The following PPP2R2C variants were observed in gnomAD, a reference collection of about 807,000 sequenced individuals.
The protein encoded by PPP2R2C is protein phosphatase 2, regulatory subunit B, gamma.
Under a neutral mutation model 45.3 loss-of-function variants are expected in PPP2R2C, and 10 were observed. The ratio of observed to expected loss-of-function variants is 0.22; its 90% confidence interval spans 0.14 to 0.37. PPP2R2C has a LOEUF of 0.37. Ranked by LOEUF, PPP2R2C falls within the 10% of genes least tolerant of loss-of-function variation. The pLI, the probability that PPP2R2C is intolerant of heterozygous loss-of-function variation, is 1.00. For missense variants in PPP2R2C, 308 were observed against 619.7 expected (o/e 0.50, Z 5.34); for synonymous variants, 257 against 245.4 (o/e 1.05, Z -0.44).
chr4:6,420,907 C>G (rs1211755896), intron 1 of PPP2R2C: 3 of 970,128 alleles, frequency 3.1e-6, no homozygotes, highest in Non-Finnish European at 3.7e-6. Context: ...AGATGATGTC[C>G]CATCATCTGC....
At chr4:6,463,068 G>C (rs1016807108) in intron 1 of PPP2R2C, among the ~76,000 whole-genome samples, 6 of 152,198 alleles carry the variant, frequency 3.9e-5, no homozygotes, top group Non-Finnish European at 7.4e-5. Flanking sequence ...AAATTTGAAA[G>C]TTTGCATCAA....
chr4:6,512,479 G>T (rs1209183456), intron 2 of PPP2R2C, among the ~76,000 whole-genome samples: 3 of 122,752 alleles, frequency 2.4e-5, no homozygotes, highest in African/African-American at 9.4e-5. Flanking sequence ...GGTGGTAGTG[G>T]TGGTGATGGT....
intron 2 of PPP2R2C, among the ~76,000 whole-genome samples, chr4:6,490,838 C>T (rs1287415562): frequency 3.3e-5 from 5 of 152,244 alleles, no homozygotes; most frequent in Non-Finnish European, 5.9e-5. Context: ...CAGGATTTCA[C>T]TCCACTTCCA....
At chr4:6,383,366 C>A in intron 1 of PPP2R2C, 1 of 1,289,716 alleles carries the variant, frequency 7.8e-7, no homozygotes, top group Non-Finnish European at 1.0e-6. Context: ...GTTGTATGCA[C>A]GGGGTCTCGT....
chr4:6,470,656 T>A (rs956174471), intron 1 of PPP2R2C, among the ~76,000 whole-genome samples: 2 of 152,074 alleles, frequency 1.3e-5, no homozygotes, highest in Non-Finnish European at 2.9e-5. Context: ...CAACCCTCTG[T>A]CGCTGCAGGC....
At chr4:6,337,574 C>G (rs768818331) in intron 6 of PPP2R2C, among the ~76,000 whole-genome samples, 7 of 152,156 alleles carry the variant, frequency 4.6e-5, no homozygotes, top group Non-Finnish European at 8.8e-5. Flanking sequence ...AGGGGTCTCT[C>G]AGACCAGACT....
chr4:6,536,416 TAAAAAG>T (rs1724616241), intron 1 of PPP2R2C, among the ~76,000 whole-genome samples: 1 of 152,074 alleles, frequency 6.6e-6, no homozygotes, highest in Non-Finnish European at 1.5e-5. Flanking sequence ...GTCATTCACA[TAAAAAG>T]AAACACACAC....
intron 2 of PPP2R2C, among the ~76,000 whole-genome samples, chr4:6,493,717 G>A (rs539783815): frequency 2.0e-5 from 3 of 152,080 alleles, no homozygotes; most frequent in Non-Finnish European, 4.4e-5. Flanking sequence ...ACACGGAGGG[G>A]TGGACCTGGC....
intron 1 of PPP2R2C, among the ~76,000 whole-genome samples, chr4:6,447,923 C>T (rs1295473656): frequency 1.3e-5 from 2 of 152,158 alleles, no homozygotes; most frequent in African/African-American, 4.8e-5. Flanking sequence ...TGCCTAATCA[C>T]CCTAAATGTG....
intron 1 of PPP2R2C, chr4:6,382,110 G>A (rs1304647041): frequency 7.6e-7 from 1 of 1,308,200 alleles, no homozygotes; most frequent in Non-Finnish European, 9.8e-7. Flanking sequence ...TTAATTTGAA[G>A]TCATTCTTAA....
intron 1 of PPP2R2C, among the ~76,000 whole-genome samples, chr4:6,464,376 C>T (rs1420804950): frequency 6.6e-6 from 1 of 152,178 alleles, no homozygotes; most frequent in Non-Finnish European, 1.5e-5. Context: ...CAGACTCCTC[C>T]AGCAGCTTCA....
At chr4:6,412,623 G>A (rs768864556) in intron 1 of PPP2R2C, among the ~76,000 whole-genome samples, 1 of 152,192 alleles carries the variant, frequency 6.6e-6, no homozygotes, top group East Asian at 1.9e-4. Context: ...ATGTTACAAT[G>A]TATCTTCTCT....
At chr4:6,407,168 T>G (rs1717851062) in intron 1 of PPP2R2C, among the ~76,000 whole-genome samples, 1 of 152,194 alleles carries the variant, frequency 6.6e-6, no homozygotes, top group Non-Finnish European at 1.5e-5. Flanking sequence ...TTCTGCTGTT[T>G]AAACAACCAA....
At chr4:6,507,748 C>A (rs773227054) in intron 2 of PPP2R2C, among the ~76,000 whole-genome samples, 76 of 152,340 alleles carry the variant, frequency 5.0e-4, no homozygotes, top group Middle Eastern at 3.4e-3. Flanking sequence ...ACAGCAATAG[C>A]TAACTAATAC....
chr4:6,397,143 G>A (rs1340230039), intron 1 of PPP2R2C, among the ~76,000 whole-genome samples: 3 of 152,324 alleles, frequency 2.0e-5, no homozygotes, highest in Middle Eastern at 3.4e-3. Context: ...ACAGCCACAA[G>A]GGCACCCCTG....
In PPP2R2C at chr4:6,378,256, T is replaced by C; in HGVS notation, c.334+151A>G. The C allele has an allele frequency of 8.9e-6, 13 of 1,465,942 alleles. 2 individuals carry two copies. Among genetic ancestry groups the C allele is most frequent in the Non-Finnish European group, 1.2e-5 (13 of 1,099,072 alleles). The allele number at this position is 1,465,942 out of a possible 1,614,324, so 90.8% of individuals were successfully genotyped here. A position where few individuals can be genotyped will look rare whatever the true frequency, so the allele number is the denominator to read the frequency against. ...TGAGGGGGTCTGGCATACTCACTCATGGGATTTATATGCTGCTCAAAAAGG... is the reference window on the plus strand; with the variant it reads ...TGAGGGGGTCTGGCATACTCACTCACGGGATTTATATGCTGCTCAAAAAGG... On this transcript the variant is annotated intron_variant, in intron 3 of 8. Coordinates refer to ENST00000382599, the MANE Select transcript of PPP2R2C (RefSeq NM_020416.4). The surrounding 1 kb of genome is among the most constrained non-coding windows in gnomAD (Gnocchi z 5.2).
Position 6,345,172 on chromosome 4 carries a change from CG to C in PPP2R2C, c.790+2673del, listed in dbSNP as rs1711725127. Among the ~76,000 whole-genome samples, 1 of 152,170 alleles carries C rather than the reference CG, an allele frequency of 6.6e-6. No homozygotes were observed. Among genetic ancestry groups the C allele is most frequent in the African/African-American group, 2.4e-5 (1 of 41,426 alleles). On this transcript the variant is annotated intron_variant, in intron 6 of 8. Coordinates refer to ENST00000382599, the MANE Select transcript of PPP2R2C (RefSeq NM_020416.4). The surrounding 1 kb of genome is among the most constrained non-coding windows in gnomAD (Gnocchi z 5.3). ...CATCCTCCTTCCCACAGGGCTCACA[CG>C]GGGTCAGCAGCGGACCAGGAGCAGG...
upstream of PPP2R2C, among the ~76,000 whole-genome samples, chr4:6,476,963 A>C (rs1248909599): frequency 6.6e-6 from 1 of 152,170 alleles, no homozygotes; most frequent in Non-Finnish European, 1.5e-5. Flanking sequence ...TCATGTGTAC[A>C]CAATTCTGGG....
intron 2 of PPP2R2C, among the ~76,000 whole-genome samples, chr4:6,491,678 A>G (rs1722703625): frequency 1.3e-5 from 2 of 152,214 alleles, no homozygotes; most frequent in African/African-American, 4.8e-5. Context: ...TCATGCGGGC[A>G]GACTTCTCCC....
Sources: allele counts gnomAD v4.1 joint callset (sites outside exome capture counted in the v4.1 genomes callset), GRCh38; gene constraint gnomAD v4.1.1; non-coding constraint Gnocchi (gnomAD v3.1); transcripts MANE v1.5; gene names NCBI Gene and HGNC (gene_info 2026-07-23, HGNC 2026-07-21).